Variants in DCPS observed in about 807,000 individuals in gnomAD.
DCPS encodes the protein m7GpppX diphosphatase.
In DCPS, 27 loss-of-function variants were observed where a neutral mutation model predicts 34.7. The ratio of observed to expected loss-of-function variants is 0.78; its 90% confidence interval spans 0.57 to 1.07. The LOEUF is 1.07. Ranked by LOEUF, DCPS falls within the 50% of genes least tolerant of loss-of-function variation. The probability of loss-of-function intolerance (pLI) is 0.00; values close to 1 mark genes in which losing one functional copy is unlikely to be tolerated. For missense variants in DCPS, 464 were observed against 436.9 expected, an observed-to-expected ratio of 1.06 and a Z score of -0.55; for synonymous variants, 185 against 185.7, an observed-to-expected ratio of 1.00 and a Z score of 0.03.
Position 126,325,049 on chromosome 11 carries a change from G to A in DCPS, c.377-6356G>A, listed in dbSNP as rs540547151. ...AATACAAAAATTAGCGGGGCATGGT[G>A]GTGGGCACCTGTAATCCCAGCTACT... On this transcript the variant is annotated intron_variant, in intron 2 of 5. Transcript: ENST00000263579. The surrounding 1 kb of genome is among the most constrained non-coding windows in gnomAD (Gnocchi z 4.3). Among the ~76,000 whole-genome samples the A allele has an allele frequency of 1.3e-5, 2 of 152,208 alleles. No individual in the cohort carries two copies. The highest frequency in any genetic ancestry group is 2.9e-5 in the Non-Finnish European group (2 of 68,008).
At position 126,328,697 on chromosome 11, in the gene DCPS, A is replaced by G. The variant is rs1185779833; in HGVS notation, c.377-2708A>G. ...TGCCCGCAGAACCCGGCTGCTCTCC[A>G]GCGCCCGCTCTGCCTCTGTGCCCTG... On this transcript the variant is annotated intron_variant, in intron 2 of 5. Coordinates refer to ENST00000263579, the MANE Select transcript of DCPS (RefSeq NM_014026.6). This position sits in a 1 kb window ranked among gnomAD's most constrained non-coding sequence, Gnocchi z 6.6. Among the ~76,000 whole-genome samples the G allele has an allele frequency of 6.6e-6, 1 of 152,096 alleles. No homozygotes were observed. The highest frequency in any genetic ancestry group is 1.5e-5 in the Non-Finnish European group (1 of 67,998).
rs148734874 is a variant in DCPS, at chr11:126,348,337, T to C, written c.*2724T>C. Among the ~76,000 whole-genome samples the C allele has an allele frequency of 5.1e-3, 773 of 152,292 alleles. 3 individuals are homozygous for C. The highest frequency in any genetic ancestry group is 0.01 in the Middle Eastern group (3 of 294). Reference sequence around the variant, plus strand: ...ACTCCTCTCCCAGCCTCGTTTATCTTCACCACAGTACAGAAGGGGGCCCCT... The same window carrying C: ...ACTCCTCTCCCAGCCTCGTTTATCTCCACCACAGTACAGAAGGGGGCCCCT... On this transcript the variant is annotated 3_prime_UTR_variant, in exon 6 of 6. Coordinates refer to ENST00000263579, the MANE Select transcript of DCPS (RefSeq NM_014026.6). The surrounding 1 kb of genome is among the most constrained non-coding windows in gnomAD (Gnocchi z 5.3).
rs1478410263 is a variant in DCPS at position 126,328,177 on chromosome 11, G to A, written c.377-3228G>A. On this transcript the variant is annotated intron_variant, in intron 2 of 5. Transcript: ENST00000263579. This position sits in a 1 kb window ranked among gnomAD's most constrained non-coding sequence, Gnocchi z 6.6. Reference sequence around the variant, plus strand: ...GCGGCTGGAGCAGAGGCCCTAAGCGGGAGAGAGGCAGTGCATGAAGGTGGA... The same window carrying A: ...GCGGCTGGAGCAGAGGCCCTAAGCGAGAGAGAGGCAGTGCATGAAGGTGGA... Among the ~76,000 whole-genome samples the A allele has an allele frequency of 1.3e-5, 2 of 152,204 alleles. No homozygotes were observed. Among genetic ancestry groups the A allele is most frequent in the African/African-American group, 2.4e-5 (1 of 41,446 alleles).
Position 126,313,109 on chromosome 11 carries a change from T to A in DCPS, c.376+6365T>A, listed in dbSNP as rs1473817667. Among the ~76,000 whole-genome samples, 2 of 151,388 alleles carry A rather than the reference T, an allele frequency of 1.3e-5. No homozygotes were observed. The highest frequency in any genetic ancestry group is 6.7e-5 in the Admixed American group (1 of 15,034). ...CAGGGAGAGAGGTGTGGCTCAGAAA[T>A]CCAGGCTGCCTCTTCAAAGGCCAAT... On this transcript the variant is annotated intron_variant, in intron 2 of 5. Coordinates refer to ENST00000263579, the MANE Select transcript of DCPS (RefSeq NM_014026.6). The surrounding 1 kb of genome is among the most constrained non-coding windows in gnomAD (Gnocchi z 4.9).
rs568727829 is a variant in DCPS, at chr11:126,325,744, GAGGTGCTCTTAATATATTGTGA to G, written c.377-5658_377-5637del. The stretch of plus-strand genomic sequence containing the variant: ...CAGGGGAACTCTGTAAGGAGTGTTG[GAGGTGCTCTTAATATATTGTGA>G]AGATTTTCCAGGGATAGATTTTTGA... On this transcript the variant is annotated intron_variant, in intron 2 of 5. Transcript: ENST00000263579. This position sits in a 1 kb window ranked among gnomAD's most constrained non-coding sequence, Gnocchi z 4.3. 0.017 allele frequency among the ~76,000 whole-genome samples: 2,644 copies of G among 152,308 alleles called. 42 individuals carry two copies. The highest frequency in any genetic ancestry group is 0.027 in the Non-Finnish European group (1,845 of 68,016).
rs1403307573 is a variant in DCPS, at chr11:126,346,902, G to C, written c.*1289G>C. ...GACTCCTTAGAAACAGCAGAATCACGAACATGGTGAAACCCATCTCTACTA... is the reference window on the plus strand; with the variant it reads ...GACTCCTTAGAAACAGCAGAATCACCAACATGGTGAAACCCATCTCTACTA... On this transcript the variant is annotated 3_prime_UTR_variant, in exon 6 of 6. Transcript: ENST00000263579. The surrounding 1 kb of genome is among the most constrained non-coding windows in gnomAD (Gnocchi z 4.1). 6.6e-6 allele frequency among the ~76,000 whole-genome samples: 1 copy of C among 151,986 alleles called. No homozygotes were observed. The highest frequency in any genetic ancestry group is 2.4e-5 in the African/African-American group (1 of 41,380).
At position 126,336,855 on chromosome 11, in the gene DCPS, G is replaced by C. The variant is rs1951836404; in HGVS notation, c.523-1431G>C. On this transcript the variant is annotated intron_variant, in intron 3 of 5. Transcript: ENST00000263579. The surrounding 1 kb of genome is among the most constrained non-coding windows in gnomAD (Gnocchi z 6.3). Reference sequence around the variant, plus strand: ...GTTTCTTGGGAACTGCCTGTCTTTTGTTGTGAATGGACCACATTGTGACCG... The same window carrying C: ...GTTTCTTGGGAACTGCCTGTCTTTTCTTGTGAATGGACCACATTGTGACCG... 1.3e-5 allele frequency: 2 copies of C among 152,318 alleles called. No homozygotes were observed. Among genetic ancestry groups the C allele is most frequent in the African/African-American group, 4.8e-5 (2 of 41,446 alleles). The allele number at this position is 152,318 out of a possible 1,614,324, so 9.4% of individuals were successfully genotyped here.
rs1048425117 is a variant in DCPS, at chr11:126,342,980, G to T, written c.637-327G>T. Among the ~76,000 whole-genome samples the T allele has an allele frequency of 6.8e-6, 1 of 147,446 alleles. No individual in the cohort carries two copies. The highest frequency in any genetic ancestry group is 2.5e-5 in the African/African-American group (1 of 39,538). The stretch of plus-strand genomic sequence containing the variant: ...AGCTACTTGGGAGGCTGAGGCAGAA[G>T]AATCGCTTGAACCCAGGAGGCGGAG... On this transcript the variant is annotated intron_variant, in intron 4 of 5. Coordinates refer to ENST00000263579, the MANE Select transcript of DCPS (RefSeq NM_014026.6). This position sits in a 1 kb window ranked among gnomAD's most constrained non-coding sequence, Gnocchi z 4.4.
At chr11:126,317,410 T>C (rs1330656203) in intron 2 of DCPS, among the ~76,000 whole-genome samples, 3 of 152,172 alleles carry the variant, frequency 2.0e-5, no homozygotes, top group South Asian at 2.1e-4. Context: ...CTTTTTTTTT[T>C]TTTATTGAGG....
Position 126,332,105 on chromosome 11 carries a change from G to T in DCPS, c.522+555G>T, listed in dbSNP as rs1276729550. On this transcript the variant is annotated intron_variant, in intron 3 of 5. Transcript: ENST00000263579. This position sits in a 1 kb window ranked among gnomAD's most constrained non-coding sequence, Gnocchi z 5.4. The stretch of plus-strand genomic sequence containing the variant: ...CACCCTGTCCAGACTCTTATTCCTG[G>T]TTTCACCTGCGGCAAACCGGCCTGC... Among the ~76,000 whole-genome samples, 1 of 152,190 alleles carries T rather than the reference G, an allele frequency of 6.6e-6. No individual in the cohort carries two copies. The highest frequency in any genetic ancestry group is 1.5e-5 in the Non-Finnish European group (1 of 68,034).
In DCPS at chr11:126,346,476, G is replaced by A. The variant is rs1449485013; in HGVS notation, c.*863G>A. On this transcript the variant is annotated 3_prime_UTR_variant, in exon 6 of 6. Coordinates refer to ENST00000263579, the MANE Select transcript of DCPS (RefSeq NM_014026.6). This position sits in a 1 kb window ranked among gnomAD's most constrained non-coding sequence, Gnocchi z 4.1. ...TGAGACCAGGAAGGGACCTCAAAGC[G>A]TCAGAGGCTGATGAGCAGTTAGGCA... 2.0e-5 allele frequency among the ~76,000 whole-genome samples: 3 copies of A among 152,232 alleles called. No individual in the cohort carries two copies. Among genetic ancestry groups the A allele is most frequent in the East Asian group, 1.9e-4 (1 of 5,196 alleles).
chr11:126,315,817 G>A lies in DCPS; in HGVS notation c.376+9073G>A, dbSNP rs557277648. Among the ~76,000 whole-genome samples, 10 of 152,132 alleles carry A rather than the reference G, an allele frequency of 6.6e-5. No individual in the cohort carries two copies. The South Asian group carries it at 1.5e-3, about 22-fold the overall frequency. ...CAACCTCCACCTCCCGGGTTGAAGC[G>A]ATTCTCCTGCCTCAGCCTCCCGAGT... is the stretch of plus-strand genomic sequence containing the variant. On this transcript the variant is annotated intron_variant, in intron 2 of 5. Coordinates refer to ENST00000263579, the MANE Select transcript of DCPS (RefSeq NM_014026.6). The surrounding 1 kb of genome is among the most constrained non-coding windows in gnomAD (Gnocchi z 6.1).
rs201988953 is a variant in DCPS, at chr11:126,345,542, C to T, written c.943C>T (p.Arg315Cys). The T allele has an allele frequency of 9.7e-5, 157 of 1,613,918 alleles. No individual in the cohort carries two copies. The highest frequency in any genetic ancestry group is 1.6e-4 in the East Asian group (7 of 44,866). Residue 315 changes from arginine (R) to cysteine (C), a missense_variant, in exon 6 of 6, where the codon CGC becomes TGC. By Grantham distance (180) the Arg-to-Cys change is radical (BLOSUM62 -3). Coordinates refer to ENST00000263579, the MANE Select transcript of DCPS (RefSeq NM_014026.6). This position sits in a 1 kb window ranked among gnomAD's most constrained non-coding sequence, Gnocchi z 7.4. ...GTGTGACCCTAGGCACTACCAGCAG[C>T]GCACGCTCACCTTCGCCCTCAGGGC... ...LECDPRHYQQ[R>C]TLTFALRADD...
rs78230040 is a variant in DCPS, at chr11:126,344,796, G to A, written c.748-551G>A. Among the ~76,000 whole-genome samples, 9,425 of 152,214 alleles carry A rather than the reference G, an allele frequency of 0.062. 333 individuals carry two copies. Among genetic ancestry groups the A allele is most frequent in the Middle Eastern group, 0.11 (31 of 294 alleles). On this transcript the variant is annotated intron_variant, in intron 5 of 5. Transcript: ENST00000263579. This position sits in a 1 kb window ranked among gnomAD's most constrained non-coding sequence, Gnocchi z 8.1. The stretch of plus-strand genomic sequence containing the variant: ...TCTGCAAGGAGCCCGCTGAGACTTC[G>A]CCAGGTCTGTGTGGGAGCAGCCCCT...
intron 1 of DCPS, among the ~76,000 whole-genome samples, chr11:126,305,446 G>C (rs1035020115): frequency 9.4e-6 from 1 of 106,268 alleles, no homozygotes; most frequent in Non-Finnish European, 1.9e-5. Flanking sequence ...TTGAGATGGA[G>C]TTTCACTCTT....
rs1228107968 is a variant in DCPS, at chr11:126,329,533, TGGG to T, written c.377-1871_377-1869del. Among the ~76,000 whole-genome samples, 3 of 152,174 alleles carry T rather than the reference TGGG, an allele frequency of 2.0e-5. No homozygotes were observed. The highest frequency in any genetic ancestry group is 6.5e-5 in the Admixed American group (1 of 15,280). The stretch of plus-strand genomic sequence containing the variant: ...GCTGTGCCACCCAGAGCTGAGGGCC[TGGG>T]ATGTTTGATGGGACAGAAGCCACGT... On this transcript the variant is annotated intron_variant, in intron 2 of 5. Coordinates refer to ENST00000263579, the MANE Select transcript of DCPS (RefSeq NM_014026.6). The surrounding 1 kb of genome is among the most constrained non-coding windows in gnomAD (Gnocchi z 5.0).
rs757891388 is a variant in DCPS, at chr11:126,343,397, A to G, written c.727A>G (p.Asn243Asp). 2.5e-6 allele frequency: 4 copies of G among 1,613,524 alleles called. No homozygotes were observed. In the East Asian group the frequency reaches 8.9e-5, roughly 36 times the overall value. Residue 243 changes from asparagine to aspartate, a missense_variant, in exon 5 of 6, where the codon AAC (asparagine) becomes GAC (aspartate). By Grantham distance (23) the Asn-to-Asp change is conservative (BLOSUM62 1). Transcript: ENST00000263579. ...LTPEHLPLLR[N>D]ILHQGQEAIL... ...TCCGGAGCACTTGCCGCTGCTCAGG[A>G]ACATCCTCCACCAGGGGCAGGTGAG...
chr11:126,306,079 G>A (rs1003781622), intron 1 of DCPS, among the ~76,000 whole-genome samples: 3 of 152,130 alleles, frequency 2.0e-5, no homozygotes. Context: ...TTTGGGTGGA[G>A]ATGCCTTCTC....
rs1437162552 is a variant in DCPS at position 126,322,455 on chromosome 11, G to A, written c.377-8950G>A. 1.3e-5 allele frequency among the ~76,000 whole-genome samples: 2 copies of A among 151,940 alleles called. No individual in the cohort carries two copies. Among genetic ancestry groups the A allele is most frequent in the Non-Finnish European group, 2.9e-5 (2 of 67,986 alleles). Reference sequence around the variant, plus strand: ...ATTTTTGTATTTTTAGTAGAGATGGGGTTTCGCCATGTTGGCCAAGTTGGT... The same window carrying A: ...ATTTTTGTATTTTTAGTAGAGATGGAGTTTCGCCATGTTGGCCAAGTTGGT... On this transcript the variant is annotated intron_variant, in intron 2 of 5. Coordinates refer to ENST00000263579, the MANE Select transcript of DCPS (RefSeq NM_014026.6). This position sits in a 1 kb window ranked among gnomAD's most constrained non-coding sequence, Gnocchi z 4.2.
Sources: gnomAD v4.1 joint callset for allele counts (sites outside exome capture counted in the v4.1 genomes callset) on GRCh38, gnomAD v4.1.1 for gene constraint, Gnocchi (gnomAD v3.1) non-coding constraint, MANE v1.5 for transcripts, NCBI Gene and HGNC (gene_info 2026-07-23, HGNC 2026-07-21) for gene names.